The following NBAS variants were observed in gnomAD, a reference collection of about 807,000 sequenced individuals.
The protein encoded by NBAS is NBAS subunit of NRZ tethering complex.
NBAS carries 219 observed loss-of-function variants against 302.5 expected under a neutral mutation model. That is an observed-to-expected ratio of 0.72 (90% CI 0.65 to 0.81). The LOEUF (loss-of-function observed/expected upper bound fraction) is 0.81. NBAS is among the 30% of genes least tolerant of loss of function. The pLI is 0.00. For missense variants in NBAS, 2,932 were observed against 2,841.6 expected (o/e 1.03, Z -0.72); for synonymous variants, 1,118 against 1,021.6 (o/e 1.09, Z -1.80).
the NBAS span, among the ~76,000 whole-genome samples, chr2:14,857,814 G>A: frequency 1.1e-4 from 17 of 152,068 alleles, no homozygotes; most frequent in Non-Finnish European, 1.6e-4. Flanking sequence ...AAACAAAAAC[G>A]GACAAATTGG....
At position 15,416,542 on chromosome 2, in the gene NBAS, G is replaced by A. The variant is rs149956979; in HGVS notation, c.2764-823C>T. Among the ~76,000 whole-genome samples the A allele has an allele frequency of 1.8e-3, 273 of 152,196 alleles. 1 individual carries two copies. Among genetic ancestry groups the A allele is most frequent in the Middle Eastern group, 3.4e-3 (1 of 294 alleles). On this transcript the variant is annotated intron_variant, in intron 24 of 51. Transcript: ENST00000281513. ...AGATAAGCCAGGAGAGGTGGCTCAC[G>A]CCTATCATCCCAGCACTTTGGGAGG...
chr2:14,845,617 A>C, the NBAS span, among the ~76,000 whole-genome samples: 2 of 152,258 alleles, frequency 1.3e-5, no homozygotes, highest in Non-Finnish European at 2.9e-5. Context: ...CAGACAGAAA[A>C]TTTAAAATAG....
the NBAS span, among the ~76,000 whole-genome samples, chr2:15,115,111 C>G: frequency 6.6e-6 from 1 of 152,184 alleles, no homozygotes; most frequent in Non-Finnish European, 1.5e-5. Context: ...CATGAACTCT[C>G]TATAGTCCTA....
chr2:15,114,253 G>A, the NBAS span, among the ~76,000 whole-genome samples: 2 of 152,166 alleles, frequency 1.3e-5, no homozygotes, highest in Admixed American at 6.5e-5. Context: ...AGCTCTGAAT[G>A]CTAGAAATTC....
At chr2:14,790,683 C>T in the NBAS span, among the ~76,000 whole-genome samples, 1 of 139,366 alleles carries the variant, frequency 7.2e-6, no homozygotes, top group African/African-American at 2.7e-5. Context: ...CAGAGTTTCA[C>T]ACTTGTTGCC....
intron 31 of NBAS, among the ~76,000 whole-genome samples, chr2:15,370,623 C>T (rs976098187): frequency 9.2e-5 from 14 of 152,204 alleles, no homozygotes; most frequent in African/African-American, 2.9e-4. Context: ...CCCTTTGCAT[C>T]AGTGTGCCCT....
chr2:15,081,087 T>C, the NBAS span, among the ~76,000 whole-genome samples: 1 of 152,104 alleles, frequency 6.6e-6, no homozygotes, highest in Admixed American at 6.5e-5. Flanking sequence ...TTCTCACACA[T>C]ATGCCCAAGA....
At chr2:14,864,416 G>C in the NBAS span, among the ~76,000 whole-genome samples, 1 of 151,986 alleles carries the variant, frequency 6.6e-6, no homozygotes, top group East Asian at 1.9e-4. Context: ...CCAACAGGTA[G>C]CCATAGGGTA....
chr2:15,487,009 G>A (rs741438), intron 12 of NBAS, among the ~76,000 whole-genome samples: 2,945 of 151,910 alleles, frequency 0.019, 67 homozygotes, highest in East Asian at 0.059. Context: ...GATGTATAAC[G>A]TACTAGGATA....
intron 9 of NBAS, among the ~76,000 whole-genome samples, chr2:15,517,990 G>T (rs1662481185): frequency 6.6e-6 from 1 of 152,104 alleles, no homozygotes; most frequent in Non-Finnish European, 1.5e-5. Flanking sequence ...AAAATCACAA[G>T]TTGGGGACCA....
At chr2:15,553,077 T>A (rs1387249349) in intron 5 of NBAS, among the ~76,000 whole-genome samples, 1 of 152,122 alleles carries the variant, frequency 6.6e-6, no homozygotes, top group Non-Finnish European at 1.5e-5. Context: ...TGCTGAACCA[T>A]CCCTACTCTT....
the NBAS span, among the ~76,000 whole-genome samples, chr2:14,837,639 G>A: frequency 6.6e-6 from 1 of 150,424 alleles, no homozygotes; most frequent in African/African-American, 2.4e-5. Context: ...GTGACAGCTT[G>A]GAAATTTCAT....
the NBAS span, among the ~76,000 whole-genome samples, chr2:14,832,597 G>GTA: frequency 2.0e-5 from 3 of 152,200 alleles, no homozygotes; most frequent in Admixed American, 6.5e-5. Context: ...CAGCCTCCTG[G>GTA]GATACTCTAC....
At chr2:15,403,899 G>C (rs1348185737) in intron 25 of NBAS, among the ~76,000 whole-genome samples, 1 of 129,690 alleles carries the variant, frequency 7.7e-6, no homozygotes, top group East Asian at 2.0e-4. Context: ...GTGTGTGTGT[G>C]TCTATACACT....
chr2:14,932,617 C>A, the NBAS span, among the ~76,000 whole-genome samples: 1 of 152,144 alleles, frequency 6.6e-6, no homozygotes, highest in African/African-American at 2.4e-5. Flanking sequence ...TTAAAGGCAT[C>A]AATATGACAG....
chr2:15,065,260 A>T, the NBAS span, among the ~76,000 whole-genome samples: 1 of 152,148 alleles, frequency 6.6e-6, no homozygotes, highest in Non-Finnish European at 1.5e-5. Flanking sequence ...AACCAAAAAT[A>T]GAAGTCACAT....
chr2:14,872,152 CAG>C, the NBAS span, among the ~76,000 whole-genome samples: 1 of 152,074 alleles, frequency 6.6e-6, no homozygotes, highest in Non-Finnish European at 1.5e-5. Context: ...AAAGATAAAA[CAG>C]AGAGAGGGTC....
At chr2:15,327,685 A>G (rs1043692172) in intron 38 of NBAS, 65 bp downstream of exon 38, 44 of 1,596,788 alleles carry the variant, frequency 2.8e-5, no homozygotes, top group Non-Finnish European at 3.7e-5. Flanking sequence ...TCATTCACAA[A>G]TTTTTGGTTA....
intron 41 of NBAS, among the ~76,000 whole-genome samples, chr2:15,289,441 TC>T (rs2148101363): frequency 6.6e-6 from 1 of 152,266 alleles, no homozygotes; most frequent in South Asian, 2.1e-4. Flanking sequence ...AGTACCTACC[TC>T]CACATCATGG....
Sources: allele counts gnomAD v4.1 joint callset (sites outside exome capture counted in the v4.1 genomes callset), GRCh38; gene constraint gnomAD v4.1.1; transcripts MANE v1.5; gene names NCBI Gene and HGNC (gene_info 2026-07-23, HGNC 2026-07-21).